CCNK: variants seen among roughly 807,000 people sequenced by gnomAD.
The protein encoded by CCNK is cyclin-K.
A neutral mutation model predicts 65.0 loss-of-function variants in CCNK; 9 were observed. The ratio of observed to expected loss-of-function variants is 0.14; its 90% confidence interval spans 0.08 to 0.24. CCNK has a LOEUF of 0.24. Ranked by LOEUF, CCNK falls within the 10% of genes least tolerant of loss-of-function variation. The pLI, the probability that CCNK is intolerant of heterozygous loss-of-function variation, is 1.00. For missense variants in CCNK, 474 were observed against 720.0 expected (o/e 0.66, Z 3.91); for synonymous variants, 279 against 270.8 (o/e 1.03, Z -0.30).
Position 99,503,663 on chromosome 14 carries a change from G to A in CCNK, c.1045+19G>A. 1.3e-6 allele frequency: 2 copies of A among 1,547,736 alleles called. No homozygotes were observed. Among genetic ancestry groups the A allele is most frequent in the African/African-American group, 1.4e-5 (1 of 73,210 alleles). ...GCAGCAGGTAATTTCCTGTTCTGAT[G>A]TTTTTTTAGTTTTATGTGTTTATAT... is the stretch of plus-strand genomic sequence containing the variant. On this transcript the variant is annotated intron_variant, in intron 9 of 10. Transcript: ENST00000389879.
At chr14:99,482,084 A>G (rs967604355) in intron 1 of CCNK, among the ~76,000 whole-genome samples, 3 of 152,210 alleles carry the variant, frequency 2.0e-5, no homozygotes, top group African/African-American at 4.8e-5. Context: ...TTGGAGCGTA[A>G]GTCTAGAGGT....
intron 9 of CCNK, chr14:99,506,516 C>T (rs1391473960): frequency 6.5e-6 from 1 of 153,606 alleles, no homozygotes; most frequent in Non-Finnish European, 1.4e-5. Flanking sequence ...GTGAGCGGCA[C>T]ATTCTTCCTG....
At chr14:99,498,005 A>G (rs905666399) in intron 4 of CCNK, among the ~76,000 whole-genome samples, 2 of 152,136 alleles carry the variant, frequency 1.3e-5, no homozygotes, top group Non-Finnish European at 2.9e-5. Context: ...CTAACGTGAT[A>G]AGTCTGATTG....
chr14:99,493,434 TTGTC>T lies in CCNK; in HGVS notation c.198-78_198-75del, dbSNP rs1255088043. 6 of 813,920 alleles carry T rather than the reference TTGTC, an allele frequency of 7.4e-6. No homozygotes were observed. The South Asian group carries it at 9.0e-5, about 12-fold the overall frequency. The allele number at this position is 813,920 out of a possible 1,614,324, so 50.4% of individuals were successfully genotyped here. The stretch of plus-strand genomic sequence containing the variant: ...TTACCATTGATTTTGTTGTTGTTGT[TTGTC>T]TTTTTGTTTTTCTACATTTAACTAA... On this transcript the variant is annotated intron_variant, in intron 2 of 10. Transcript: ENST00000389879.
At chr14:99,493,042 C>A in intron 2 of CCNK, 168 bp downstream of exon 2, 1 of 681,194 alleles carries the variant, frequency 1.5e-6, no homozygotes, top group Non-Finnish European at 2.3e-6. Flanking sequence ...TCTGATTTGT[C>A]ATTTTAAAGG....
intron 3 of CCNK, chr14:99,494,210 G>C (rs1439143852): frequency 6.6e-6 from 1 of 152,226 alleles, no homozygotes; most frequent in African/African-American, 2.4e-5. Flanking sequence ...CTAGGTCAGT[G>C]GTCCAACAGA....
Position 99,510,280 on chromosome 14 carries a change from C to G in CCNK, c.1241C>G (p.Pro414Arg). Residue 414 changes from proline to arginine, a missense_variant, in exon 11 of 11, where the codon CCG becomes CGG. By Grantham distance (103) the Pro-to-Arg change is moderately radical (BLOSUM62 -2). Around this residue, in one of 6 missense-constraint regions of CCNK, gnomAD observed 229 missense variants for 275.5 expected, o/e 0.83. Transcript: ENST00000389879. ...PAHPAPVHQP[P>R]PLPHRPPPPP... ...CACCCGGCCCCTGTGCACCAGCCAC[C>G]GCCGCTGCCACACCGGCCCCCGCCC... 6.4e-7 allele frequency: 1 copy of G among 1,565,482 alleles called. No individual in the cohort carries two copies. Among genetic ancestry groups the G allele is most frequent in the South Asian group, 1.2e-5 (1 of 86,622 alleles).
intron 1 of CCNK, among the ~76,000 whole-genome samples, chr14:99,485,973 A>G (rs892703232): frequency 6.6e-6 from 1 of 152,238 alleles, no homozygotes; most frequent in South Asian, 2.1e-4. Flanking sequence ...TTTTATTTAT[A>G]TGTGTATATA....
intron 4 of CCNK, among the ~76,000 whole-genome samples, chr14:99,499,258 G>T (rs546748516): frequency 1.2e-3 from 187 of 152,258 alleles, no homozygotes; most frequent in African/African-American, 4.3e-3. Context: ...GGCTGGTCTT[G>T]AACTCCTGAC....
intron 4 of CCNK, among the ~76,000 whole-genome samples, chr14:99,499,387 A>T (rs912406590): frequency 6.6e-6 from 1 of 152,230 alleles, no homozygotes; most frequent in East Asian, 1.9e-4. Context: ...AAAAACTTTC[A>T]TGAGAAAATG....
rs748221414 is a variant in CCNK at position 99,502,747 on chromosome 14, C to T, written c.774C>T (p.Tyr258=). The T allele has an allele frequency of 1.2e-6, 2 of 1,613,592 alleles. No homozygotes were observed. Among genetic ancestry groups the T allele is most frequent in the East Asian group, 2.2e-5 (1 of 44,886 alleles). ...TCTGCCACCAAATCCTGGATCTTTACTCACAAGGAAAACAACAGATGCCTC... is the reference window on the plus strand; with the variant it reads ...TCTGCCACCAAATCCTGGATCTTTATTCACAAGGAAAACAACAGATGCCTC... ...EDICHQILDL[Y]SQGKQQMPHH... The change falls in exon 8 of 11, where the codon TAC becomes TAT. Residue 258 remains tyrosine (Y), a synonymous_variant. Coordinates refer to ENST00000389879, the MANE Select transcript of CCNK (RefSeq NM_001099402.2).
rs200996508 is a variant in CCNK at position 99,504,398 on chromosome 14, C to CT, written c.1045+767dup. The CT allele has an allele frequency of 4.9e-3, 677 of 136,864 alleles. 6 individuals carry two copies. Among genetic ancestry groups the CT allele is most frequent in the South Asian group, 0.044 (192 of 4,316 alleles). The allele number at this position is 136,864 out of a possible 1,614,324, so 8.5% of individuals were successfully genotyped here. ...AAATCTTCCAGTTATGATAGAGCTACTTTTTTTTTTTTTCCAGTATATTTG... is the reference window on the plus strand; with the variant it reads ...AAATCTTCCAGTTATGATAGAGCTACTTTTTTTTTTTTTTCCAGTATATTTG... On this transcript the variant is annotated intron_variant, in intron 9 of 10. Coordinates refer to ENST00000389879, the MANE Select transcript of CCNK (RefSeq NM_001099402.2).
intron 1 of CCNK, among the ~76,000 whole-genome samples, chr14:99,482,536 A>C (rs1896371226): frequency 6.6e-6 from 1 of 152,240 alleles, no homozygotes; most frequent in Non-Finnish European, 1.5e-5. Flanking sequence ...TATGAATATA[A>C]TAATTATCCA....
At chr14:99,484,183 G>A (rs1896425853) in intron 1 of CCNK, among the ~76,000 whole-genome samples, 1 of 152,248 alleles carries the variant, frequency 6.6e-6, no homozygotes, top group Non-Finnish European at 1.5e-5. Context: ...GCAGTATCTT[G>A]GTATAAAGTA....
At position 99,511,105 on chromosome 14, in the gene CCNK, G is replaced by T; in HGVS notation, c.*323G>T. The T allele has an allele frequency of 4.9e-6, 1 of 204,440 alleles. No individual in the cohort carries two copies. Among genetic ancestry groups the T allele is most frequent in the South Asian group, 1.9e-4 (1 of 5,262 alleles). The allele number at this position is 204,440 out of a possible 1,614,324, so 12.7% of individuals were successfully genotyped here. On this transcript the variant is annotated 3_prime_UTR_variant, in exon 11 of 11. Transcript: ENST00000389879. ...CATATTGGCTCAATAAATAGCTTCG[G>T]TAAGGAGTTAATTTCCTTCTAGAAA...
chr14:99,500,134 G>A (rs1328346335), intron 4 of CCNK: 2 of 152,332 alleles, frequency 1.3e-5, no homozygotes, highest in Non-Finnish European at 2.9e-5. Flanking sequence ...CGTAGTTTAG[G>A]AGGTGATTTA....
At chr14:99,493,674 T>C in intron 3 of CCNK, 79 bp downstream of exon 3, 1 of 941,458 alleles carries the variant, frequency 1.1e-6, no homozygotes, top group Non-Finnish European at 1.6e-6. Context: ...TTATAAGCTC[T>C]ATTTTTCTCA....
Position 99,502,818 on chromosome 14 carries a change from C to T in CCNK, c.845C>T (p.Thr282Ile). 1 of 1,613,806 alleles carries T rather than the reference C, an allele frequency of 6.2e-7. No individual in the cohort carries two copies. Among genetic ancestry groups the T allele is most frequent in the Non-Finnish European group, 8.5e-7 (1 of 1,179,846 alleles). Residue 282 changes from threonine to isoleucine, a missense_variant, in exon 8 of 11, where the codon ACA becomes ATA. By Grantham distance (89) the Thr-to-Ile change is moderately conservative (BLOSUM62 -1). Around this residue, in one of 6 missense-constraint regions of CCNK, gnomAD observed 229 missense variants for 275.5 expected, o/e 0.83. Transcript: ENST00000389879. ...QLQQPPSLQPTPQVPQVQQSQ... is the reference protein window; with the variant it reads ...QLQQPPSLQPIPQVPQVQQSQ... ...CAACAGCCCCCATCTCTTCAGCCTA[C>T]ACCACAAGTGCCGCAAGTACAGCAG...
rs145363010 is a variant in CCNK at position 99,497,698 on chromosome 14, A to G, written c.411+2069A>G. Among the ~76,000 whole-genome samples, 315 of 152,322 alleles carry G rather than the reference A, an allele frequency of 2.1e-3. 3 individuals are homozygous for G. Among genetic ancestry groups the G allele is most frequent in the African/African-American group, 7.4e-3 (308 of 41,564 alleles). ...TTTCTCTGCCAAGCATTATGTATGT[A>G]TATACAAAATGTATAGTCATTCTCC... is the stretch of plus-strand genomic sequence containing the variant. On this transcript the variant is annotated intron_variant, in intron 4 of 10. Coordinates refer to ENST00000389879, the MANE Select transcript of CCNK (RefSeq NM_001099402.2).
Sources: gnomAD v4.1 joint callset for allele counts (sites outside exome capture counted in the v4.1 genomes callset) on GRCh38, gnomAD v4.1.1 for gene constraint, gnomAD v4.1.1 regional missense constraint, MANE v1.5 for transcripts, NCBI Gene and HGNC (gene_info 2026-07-23, HGNC 2026-07-21) for gene names.